Variants in NPAT observed in about 807,000 individuals in gnomAD.
NPAT encodes the protein protein NPAT.
NPAT carries 52 observed loss-of-function variants against 130.7 expected under a neutral mutation model. The observed-to-expected ratio is 0.40, with a 90% CI of 0.32 to 0.50. The LOEUF is 0.50. NPAT is among the 20% of genes least tolerant of loss of function. The pLI is 0.68. For missense variants in NPAT, 1,687 were observed against 1,662.6 expected (o/e 1.01, Z -0.26); for synonymous variants, 580 against 584.8 (o/e 0.99, Z 0.12).
intron 1 of NPAT, among the ~76,000 whole-genome samples, chr11:108,207,739 G>A (rs553964684): frequency 1.1e-4 from 17 of 152,272 alleles, no homozygotes; most frequent in Admixed American, 3.9e-4. Context: ...CCTGGCCCCC[G>A]AGAGTGCAGG....
intron 4 of NPAT, 123 bp from the exon 5 acceptor site, chr11:108,190,623 A>T: frequency 1.2e-6 from 1 of 801,342 alleles, no homozygotes; most frequent in South Asian, 1.5e-5. Context: ...TCTCTCAGAC[A>T]AAAAAGACAA....
rs1237294956 is a variant in NPAT, at chr11:108,172,339, A to C, written c.2645T>G (p.Val882Gly). ...VTDPTALGTS[V>G]SQSNVVVLPG... The stretch of plus-strand genomic sequence containing the variant: ...CAACACCACTACATTAGACTGACTT[A>C]CAGATGTTCCTAACGCTGTTGGATC... The change falls in exon 13 of 18, where the codon GTA (valine) becomes GGA (glycine). Residue 882 changes from valine (V) to glycine (G), a missense_variant. By Grantham distance (109) the Val-to-Gly change is moderately radical. Around this residue, in one of 3 missense-constraint regions of NPAT, gnomAD observed 1,379 missense variants for 1,346.6 expected, o/e 1.02. Coordinates refer to ENST00000278612, the MANE Select transcript of NPAT (RefSeq NM_002519.3). 2 of 1,614,096 alleles carry C rather than the reference A, an allele frequency of 1.2e-6. No individual in the cohort carries two copies. The highest frequency in any genetic ancestry group is 8.5e-7 in the Non-Finnish European group (1 of 1,180,044).
At chr11:108,194,663 T>G (rs970052668) in intron 2 of NPAT, among the ~76,000 whole-genome samples, 33 of 152,194 alleles carry the variant, frequency 2.2e-4, no homozygotes, top group African/African-American at 8.0e-4. Flanking sequence ...TTATTTTTAT[T>G]TTTTAGAGAC....
Position 108,197,418 on chromosome 11 carries a change from A to G in NPAT, c.40T>C (p.Tyr14His). Reference protein sequence around the residue: ...PSDVARLVLGYLQQENLISTC... With the variant: ...PSDVARLVLGHLQQENLISTC... ...GAAATGAGGTTTTCTTGCTGTAAGT[A>G]ACCTAAATAAAAAATAAAAGTTTAG... Residue 14 changes from tyrosine (Y) to histidine (H), a missense_variant and splice_region_variant, in exon 2 of 18, where the codon TAC (tyrosine) becomes CAC (histidine). Coordinates refer to ENST00000278612, the MANE Select transcript of NPAT (RefSeq NM_002519.3). The G allele has an allele frequency of 6.3e-7, 1 of 1,578,882 alleles. No homozygotes were observed. Among genetic ancestry groups the G allele is most frequent in the East Asian group, 2.2e-5 (1 of 44,698 alleles).
At chr11:108,204,501 T>C (rs1284985198) in intron 1 of NPAT, among the ~76,000 whole-genome samples, 4 of 152,184 alleles carry the variant, frequency 2.6e-5, no homozygotes, top group African/African-American at 9.6e-5. Context: ...CAGTCTCTCA[T>C]GTCCATGTAA....
Position 108,190,470 on chromosome 11 carries a change from G to C in NPAT, c.321C>G (p.Gly107=), listed in dbSNP as rs757527053. The change falls in exon 5 of 18, where the codon GGC becomes GGG. Residue 107 remains glycine (G), a synonymous_variant. Coordinates refer to ENST00000278612, the MANE Select transcript of NPAT (RefSeq NM_002519.3). ...AAGTTGGATACCAACCTCTCTGACT[G>C]CCAGCAAACCTTGGGGAACTTTGCA... ...RSMQSSPRFA[G]SQRARTRTGI... is the part of the protein sequence containing the mutation. The C allele has an allele frequency of 8.1e-6, 13 of 1,613,470 alleles. No individual in the cohort carries two copies. The highest frequency in any genetic ancestry group is 5.0e-5 in the Admixed American group (3 of 59,990).
chr11:108,201,266 C>G (rs1447638528), intron 1 of NPAT, among the ~76,000 whole-genome samples: 6 of 152,162 alleles, frequency 3.9e-5, no homozygotes, highest in Admixed American at 3.9e-4. Flanking sequence ...TCCCCAAAAC[C>G]CTCAAGCAAC....
chr11:108,212,144 G>C (rs2078389812), intron 1 of NPAT, among the ~76,000 whole-genome samples: 1 of 151,058 alleles, frequency 6.6e-6, no homozygotes, highest in African/African-American at 2.4e-5. Flanking sequence ...ATAAGATCAG[G>C]GAAAAGGTAA....
In NPAT at chr11:108,185,238, T is replaced by G. The variant is rs1324499772; in HGVS notation, c.900A>C (p.Gly300=). The change falls in exon 10 of 18, where the codon GGA becomes GGC. Residue 300 remains glycine (G), a synonymous_variant. Coordinates refer to ENST00000278612, the MANE Select transcript of NPAT (RefSeq NM_002519.3). ...EPETSIDEFL[G]LPSEIHMSEE... ...ACACCCCAACCACCCATACCGGAAGTCCTAGGAATTCATCAATTGAAGTCT... is the reference window on the plus strand; with the variant it reads ...ACACCCCAACCACCCATACCGGAAGGCCTAGGAATTCATCAATTGAAGTCT... The G allele has an allele frequency of 6.2e-7, 1 of 1,608,480 alleles. No homozygotes were observed.
At chr11:108,170,865 C>G (rs957504176) in intron 13 of NPAT, among the ~76,000 whole-genome samples, 1 of 152,126 alleles carries the variant, frequency 6.6e-6, no homozygotes, top group South Asian at 2.1e-4. Context: ...TAATTTGTAA[C>G]AGCACGTAAA....
At chr11:108,190,329 AAAAAAAAAG>A in intron 5 of NPAT, 122 bp downstream of exon 5, 1 of 612,172 alleles carries the variant, frequency 1.6e-6, no homozygotes, top group Non-Finnish European at 2.7e-6. Context: ...AAAAAAAAAA[AAAAAAAAAG>A]AAAGAAAAAC....
chr11:108,202,016 T>C (rs917000050), intron 1 of NPAT, among the ~76,000 whole-genome samples: 1 of 152,138 alleles, frequency 6.6e-6, no homozygotes, highest in Non-Finnish European at 1.5e-5. Flanking sequence ...AATGATATTA[T>C]TGATAGCATG....
At chr11:108,219,967 G>A (rs533176790) in intron 1 of NPAT, among the ~76,000 whole-genome samples, 4 of 152,322 alleles carry the variant, frequency 2.6e-5, no homozygotes, top group African/African-American at 9.6e-5. Context: ...ACCTTGAATA[G>A]AAGTGTACTA....
At position 108,172,975 on chromosome 11, in the gene NPAT, T is replaced by G. The variant is rs1308608329; in HGVS notation, c.2009A>C (p.Asn670Thr). 1.2e-6 allele frequency: 2 copies of G among 1,614,126 alleles called. No individual in the cohort carries two copies. Among genetic ancestry groups the G allele is most frequent in the East Asian group, 4.5e-5 (2 of 44,876 alleles). The change falls in exon 13 of 18, where the codon AAT becomes ACT. Residue 670 changes from asparagine to threonine, a missense_variant. Transcript: ENST00000278612. ...TCCACCTAAAGAGAGAAAAATAGTA[T>G]TCTCTTCTTTTACAGAAGATGAAGG... is the stretch of plus-strand genomic sequence containing the variant. ...QEPSSSVKEE[N>T]TIFLSLGGNA...
At chr11:108,206,730 C>T (rs2078329168) in intron 1 of NPAT, among the ~76,000 whole-genome samples, 1 of 152,148 alleles carries the variant, frequency 6.6e-6, no homozygotes. Flanking sequence ...TCTTTCAGTC[C>T]CGCCTTTCAG....
rs774211463 is a variant in NPAT, at chr11:108,161,281, G to A, written c.3805C>T (p.Arg1269Trp). Residue 1269 changes from arginine (R) to tryptophan (W), a missense_variant, in exon 17 of 18, where the codon CGG (arginine) becomes TGG (tryptophan). Physicochemically the swap from Arg to Trp is moderately radical, Grantham distance 101. Around this residue, in one of 3 missense-constraint regions of NPAT, gnomAD observed 1,379 missense variants for 1,346.6 expected, o/e 1.02. Transcript: ENST00000278612. ...TCCCCTGCCCCTGAGCCAGGTGTCC[G>A]GGGCACAGGTAAATCACTACTATCA... ...LADSSDLPVP[R>W]TPGSGAGEKH... The A allele has an allele frequency of 8.1e-6, 13 of 1,613,994 alleles. No individual in the cohort carries two copies. The highest frequency in any genetic ancestry group is 2.7e-5 in the African/African-American group (2 of 74,878).
In NPAT at chr11:108,209,837, G is replaced by A. The variant is rs61913704; in HGVS notation, c.38-12417C>T. On this transcript the variant is annotated intron_variant, in intron 1 of 17. Coordinates refer to ENST00000278612, the MANE Select transcript of NPAT (RefSeq NM_002519.3). ...CTGGGAGGCAGAGCTTGCAGTGAGCGGAGATCATGCCGCTGCACTCCAGCC... is the reference window on the plus strand; with the variant it reads ...CTGGGAGGCAGAGCTTGCAGTGAGCAGAGATCATGCCGCTGCACTCCAGCC... Among the ~76,000 whole-genome samples, 979 of 147,490 alleles carry A rather than the reference G, an allele frequency of 6.6e-3. 17 individuals carry two copies. Among genetic ancestry groups the A allele is most frequent in the African/African-American group, 0.023 (902 of 39,590 alleles).
At chr11:108,177,197 G>A (rs1017290481) in intron 10 of NPAT, 107 bp from the exon 11 acceptor site, 40 of 506,694 alleles carry the variant, frequency 7.9e-5, no homozygotes, top group Middle Eastern at 4.9e-4. Context: ...AGGCTGGAGT[G>A]TAGTGGTACA....
At chr11:108,192,235 AT>A (rs760863654) in intron 3 of NPAT, 45 bp from the exon 4 acceptor site, 34 of 1,203,274 alleles carry the variant, frequency 2.8e-5, no homozygotes, top group African/African-American at 1.5e-4. Context: ...AGCTGAAGAA[AT>A]TTCATCATTC....
Sources: gnomAD v4.1 joint callset for allele counts (sites outside exome capture counted in the v4.1 genomes callset) on GRCh38, gnomAD v4.1.1 for gene constraint, gnomAD v4.1.1 regional missense constraint, MANE v1.5 for transcripts, NCBI Gene and HGNC (gene_info 2026-07-23, HGNC 2026-07-21) for gene names.